GRIA3: variants seen among roughly 807,000 people sequenced by gnomAD.
The protein encoded by GRIA3 is glutamate receptor 3.
GRIA3 carries 3 observed loss-of-function variants against 63.0 expected under a neutral mutation model. That is an observed-to-expected ratio of 0.05 (90% CI 0.02 to 0.12). The LOEUF (loss-of-function observed/expected upper bound fraction) is 0.12. GRIA3 is among the 10% of genes least tolerant of loss of function. GRIA3 has a pLI of 1.00. For missense variants in GRIA3, 347 were observed against 700.9 expected, an observed-to-expected ratio of 0.50 and a Z score of 5.70; for synonymous variants, 274 against 257.9, an observed-to-expected ratio of 1.06 and a Z score of -0.60.
chrX:123,432,544 C>T (rs1242697735), intron 12 of GRIA3, among the ~76,000 whole-genome samples: 1 of 111,611 alleles, frequency 9.0e-6, no homozygotes, highest in Non-Finnish European at 1.9e-5. Flanking sequence ...CTGTGATATG[C>T]CTGTGCATAT....
At chrX:123,459,428 G>T (rs1603168219) in intron 12 of GRIA3, among the ~76,000 whole-genome samples, 1 of 111,922 alleles carries the variant, frequency 8.9e-6, no homozygotes, top group East Asian at 2.8e-4. Context: ...CAAAAAGACA[G>T]ATTTCTTCAT....
At chrX:123,425,963 G>C (rs937956954) in intron 11 of GRIA3, among the ~76,000 whole-genome samples, 10 of 109,583 alleles carry the variant, frequency 9.1e-5, no homozygotes, top group Non-Finnish European at 1.9e-4. Context: ...GGTTACCTTG[G>C]GACACAGGAA....
At chrX:123,355,400 C>T (rs1761161709) in intron 5 of GRIA3, among the ~76,000 whole-genome samples, 1 of 111,958 alleles carries the variant, frequency 8.9e-6, no homozygotes, top group South Asian at 3.7e-4. Context: ...GGTTTCAACA[C>T]AGTACATTAT....
intron 3 of GRIA3, among the ~76,000 whole-genome samples, chrX:123,256,998 T>C (rs1397956601): frequency 3.6e-5 from 4 of 111,209 alleles, no homozygotes; most frequent in Admixed American, 9.5e-5. Flanking sequence ...GCTTGAGAGA[T>C]TGGGTAAGAT....
chrX:123,304,273 T>C (rs962760328), intron 3 of GRIA3, among the ~76,000 whole-genome samples: 1 of 111,751 alleles, frequency 8.9e-6, no homozygotes, highest in Non-Finnish European at 1.9e-5. Context: ...ATTCTACATA[T>C]GTTACTGAAA....
chrX:123,237,573 T>C (rs939165220), intron 2 of GRIA3, among the ~76,000 whole-genome samples: 1 of 112,068 alleles, frequency 8.9e-6, no homozygotes, highest in Non-Finnish European at 1.9e-5. Flanking sequence ...AATACCATTG[T>C]TACCTGAAAA....
chrX:123,362,422 C>G (rs4825856), intron 5 of GRIA3, among the ~76,000 whole-genome samples: 7,782 of 110,960 alleles, frequency 0.07, 289 homozygotes, highest in Non-Finnish European at 0.11. Context: ...AGCTACATGA[C>G]GAAACAGGGA....
At chrX:123,316,286 C>CA (rs1217549321) in intron 3 of GRIA3, among the ~76,000 whole-genome samples, 1 of 110,522 alleles carries the variant, frequency 9.0e-6, no homozygotes, top group Non-Finnish European at 1.9e-5. Context: ...TAAACATGGA[C>CA]AAAAAAATAA....
intron 4 of GRIA3, among the ~76,000 whole-genome samples, chrX:123,339,064 G>A (rs1397906763): frequency 8.9e-6 from 1 of 111,891 alleles, no homozygotes; most frequent in Non-Finnish European, 1.9e-5. Context: ...GTACTCCAGA[G>A]GAAGACTAGG....
chrX:123,348,061 A>C (rs1408864190), intron 4 of GRIA3, among the ~76,000 whole-genome samples: 1 of 111,574 alleles, frequency 9.0e-6, no homozygotes, highest in Non-Finnish European at 1.9e-5. Flanking sequence ...TTAAAAAATA[A>C]AAAATCAAAG....
At chrX:123,191,656 C>T (rs1245978023) in intron 2 of GRIA3, among the ~76,000 whole-genome samples, 1 of 110,945 alleles carries the variant, frequency 9.0e-6, no homozygotes, top group Non-Finnish European at 1.9e-5. Context: ...TCTAGCATCC[C>T]ATCCACACTA....
intron 3 of GRIA3, among the ~76,000 whole-genome samples, chrX:123,294,629 G>T (rs1290556495): frequency 1.8e-5 from 2 of 111,052 alleles, no homozygotes; most frequent in East Asian, 5.7e-4. Context: ...AACAGGAAAA[G>T]GAAGAAGTTA....
chrX:123,265,280 T>C (rs2044481650), intron 3 of GRIA3, among the ~76,000 whole-genome samples: 1 of 112,077 alleles, frequency 8.9e-6, no homozygotes, highest in Admixed American at 9.4e-5. Flanking sequence ...ACCTGTACAG[T>C]TGAAAATCCA....
At chrX:123,412,444 A>G (rs778754203) in intron 10 of GRIA3, among the ~76,000 whole-genome samples, 41 of 112,085 alleles carry the variant, frequency 3.7e-4, no homozygotes, top group Admixed American at 1.1e-3. Flanking sequence ...ACAAAAAACA[A>G]CCCCATAAAA....
chrX:123,279,356 A>G (rs2044572454), intron 3 of GRIA3, among the ~76,000 whole-genome samples: 1 of 111,770 alleles, frequency 8.9e-6, no homozygotes, highest in African/African-American at 3.2e-5. Flanking sequence ...AAATGTAAAG[A>G]CAGTGGATGT....
chrX:123,347,637 T>C (rs1260464835), intron 4 of GRIA3, among the ~76,000 whole-genome samples: 1 of 111,655 alleles, frequency 9.0e-6, no homozygotes, highest in Non-Finnish European at 1.9e-5. Flanking sequence ...GGCTCCATTG[T>C]TCTAGGCTGG....
At chrX:123,227,101 C>T (rs1569403058) in intron 2 of GRIA3, among the ~76,000 whole-genome samples, 1 of 111,773 alleles carries the variant, frequency 8.9e-6, no homozygotes, top group Non-Finnish European at 1.9e-5. Flanking sequence ...ATTCCTCCTC[C>T]TCTTTTTCCC....
At chrX:123,210,230 T>C (rs1474677546) in intron 2 of GRIA3, among the ~76,000 whole-genome samples, 1 of 107,371 alleles carries the variant, frequency 9.3e-6, no homozygotes, top group Admixed American at 1.0e-4. Flanking sequence ...TAATCTGAGA[T>C]TTGTGTGAGT....
intron 12 of GRIA3, among the ~76,000 whole-genome samples, chrX:123,456,209 G>A (rs1377158128): frequency 9.0e-6 from 1 of 111,039 alleles, no homozygotes; most frequent in Non-Finnish European, 1.9e-5. Context: ...CTCAGTGCTG[G>A]GGAGTAAGCA....
Sources: allele counts gnomAD v4.1 joint callset (sites outside exome capture counted in the v4.1 genomes callset), GRCh38; gene constraint gnomAD v4.1.1; transcripts MANE v1.5; gene names NCBI Gene and HGNC (gene_info 2026-07-23, HGNC 2026-07-21).